The following ADAM22 variants were observed in gnomAD, a reference collection of about 807,000 sequenced individuals.
ADAM22 encodes ADAM metallopeptidase domain 22.
Under a neutral mutation model 144.6 loss-of-function variants are expected in ADAM22, and 65 were observed. The ratio of observed to expected loss-of-function variants is 0.45; its 90% CI spans 0.37 to 0.55. ADAM22 has a LOEUF of 0.55. ADAM22 is among the 20% of genes least tolerant of loss of function. ADAM22 has a pLI of 0.00. For missense variants in ADAM22, 974 were observed against 1,184.9 expected (o/e 0.82, Z 2.61); for synonymous variants, 391 against 412.6 (o/e 0.95, Z 0.63).
In ADAM22 at chr7:88,196,497, A is replaced by T; in HGVS notation, c.*6A>T. 6.2e-7 allele frequency: 1 copy of T among 1,614,070 alleles called. No individual in the cohort carries two copies. Among genetic ancestry groups the T allele is most frequent in the Non-Finnish European group, 8.5e-7 (1 of 1,179,990 alleles). On this transcript the variant is annotated 3_prime_UTR_variant, in exon 32 of 32. Coordinates refer to ENST00000413139, the MANE Select transcript of ADAM22 (RefSeq NM_001324418.2). ...TATGGGAGACATCCATTTAAGATCA[A>T]CTGTTTACATGTGATACATCGAAAA...
chr7:88,122,129 C>T (rs1425123661), intron 7 of ADAM22, among the ~76,000 whole-genome samples: 1 of 152,124 alleles, frequency 6.6e-6, no homozygotes, highest in Non-Finnish European at 1.5e-5. Flanking sequence ...ATGCAGTTGT[C>T]GTTGGCAGAA....
chr7:88,187,691 A>G (rs995446856), intron 30 of ADAM22, among the ~76,000 whole-genome samples: 6 of 152,212 alleles, frequency 3.9e-5, no homozygotes, highest in Non-Finnish European at 5.9e-5. Flanking sequence ...ACTGATTGCC[A>G]TGACTTGGGT....
chr7:88,112,607 C>G (rs1407716765), intron 5 of ADAM22, among the ~76,000 whole-genome samples: 1 of 152,216 alleles, frequency 6.6e-6, no homozygotes, highest in Admixed American at 6.5e-5. Context: ...CTATCAGAAT[C>G]TGTCTGAGTG....
intron 3 of ADAM22, among the ~76,000 whole-genome samples, chr7:88,010,151 A>G (rs112726228): frequency 2.0e-5 from 3 of 152,080 alleles, no homozygotes; most frequent in African/African-American, 4.8e-5. Flanking sequence ...ACTTCTGGCT[A>G]TGTTTCACTT....
At chr7:88,144,361 G>A (rs1835706402) in intron 15 of ADAM22, among the ~76,000 whole-genome samples, 1 of 152,056 alleles carries the variant, frequency 6.6e-6, no homozygotes, top group African/African-American at 2.4e-5. Flanking sequence ...ATTCAAAAGA[G>A]AACAAAGTTG....
chr7:88,167,329 T>C (rs1843177197), intron 24 of ADAM22, among the ~76,000 whole-genome samples: 2 of 152,174 alleles, frequency 1.3e-5, no homozygotes, highest in African/African-American at 4.8e-5. Context: ...TTTGAGCTTA[T>C]TGACCAAGCC....
At chr7:88,005,860 TAAC>T (rs1473988711) in intron 3 of ADAM22, among the ~76,000 whole-genome samples, 4 of 152,022 alleles carry the variant, frequency 2.6e-5, no homozygotes, top group African/African-American at 9.7e-5. Flanking sequence ...AAAGAAGTAA[TAAC>T]ATTTTTAAAA....
At chr7:88,113,740 A>C (rs1171860907) in intron 5 of ADAM22, among the ~76,000 whole-genome samples, 1 of 125,594 alleles carries the variant, frequency 8.0e-6, no homozygotes, top group Non-Finnish European at 1.7e-5. Flanking sequence ...ATATATATAT[A>C]GTAAGTCCTA....
chr7:88,069,147 C>T (rs960518174), intron 3 of ADAM22, among the ~76,000 whole-genome samples: 3 of 151,836 alleles, frequency 2.0e-5, no homozygotes, highest in Non-Finnish European at 4.4e-5. Context: ...CTTACCTTCC[C>T]TCCCTCTTCC....
chr7:88,118,617 G>A (rs886358024), intron 7 of ADAM22, among the ~76,000 whole-genome samples: 5 of 149,888 alleles, frequency 3.3e-5, no homozygotes, highest in Admixed American at 6.7e-5. Context: ...TTGACTGTAG[G>A]CTTGCTAGGA....
chr7:88,076,692 C>T (rs746579295), intron 4 of ADAM22, among the ~76,000 whole-genome samples: 5 of 152,254 alleles, frequency 3.3e-5, no homozygotes, highest in East Asian at 1.9e-4. Context: ...AAGAATGTGG[C>T]GGTTTTCCCC....
chr7:88,118,639 A>G (rs530765238), intron 7 of ADAM22, among the ~76,000 whole-genome samples: 3 of 103,918 alleles, frequency 2.9e-5, no homozygotes, highest in Non-Finnish European at 5.9e-5. Context: ...ATAACCTTAT[A>G]TATCTATCTA....
intron 2 of ADAM22, among the ~76,000 whole-genome samples, chr7:87,963,467 A>G (rs1051101871): frequency 1.3e-5 from 2 of 152,242 alleles, no homozygotes; most frequent in African/African-American, 4.8e-5. Context: ...TAAAATATAG[A>G]AAGAATGACT....
intron 5 of ADAM22, among the ~76,000 whole-genome samples, chr7:88,109,146 C>T (rs1035173236): frequency 2.0e-5 from 3 of 152,142 alleles, no homozygotes; most frequent in African/African-American, 7.2e-5. Context: ...GCTCATATGT[C>T]TTTGCCCCTT....
chr7:88,056,366 G>A (rs750572545), intron 3 of ADAM22, among the ~76,000 whole-genome samples: 2 of 152,186 alleles, frequency 1.3e-5, no homozygotes, highest in Non-Finnish European at 2.9e-5. Flanking sequence ...TCACTTGGAT[G>A]CATCTGTAGA....
intron 7 of ADAM22, among the ~76,000 whole-genome samples, chr7:88,122,039 T>C (rs1829429877): frequency 1.3e-5 from 2 of 152,194 alleles, no homozygotes; most frequent in Non-Finnish European, 2.9e-5. Context: ...ATGGGTTCTC[T>C]GTTTCAGAGT....
At chr7:88,097,647 C>T (rs1200597649) in intron 4 of ADAM22, among the ~76,000 whole-genome samples, 1 of 144,136 alleles carries the variant, frequency 6.9e-6, no homozygotes. Context: ...AAAACAACAA[C>T]AAACATCTTT....
At chr7:88,087,685 T>A (rs1408394124) in intron 4 of ADAM22, among the ~76,000 whole-genome samples, 1 of 152,172 alleles carries the variant, frequency 6.6e-6, no homozygotes, top group Admixed American at 6.5e-5. Context: ...ATAATATTTC[T>A]TGGTGAAATT....
At chr7:87,991,693 A>G (rs1789938293) in intron 3 of ADAM22, among the ~76,000 whole-genome samples, 1 of 152,198 alleles carries the variant, frequency 6.6e-6, no homozygotes, top group South Asian at 2.1e-4. Context: ...CAAGTATTGA[A>G]CCAACACACA....
Sources: gnomAD v4.1 joint callset for allele counts (sites outside exome capture counted in the v4.1 genomes callset) on GRCh38, gnomAD v4.1.1 for gene constraint, MANE v1.5 for transcripts, NCBI Gene and HGNC (gene_info 2026-07-23, HGNC 2026-07-21) for gene names.